Variants in GABRR3 observed in about 807,000 individuals in gnomAD.
GABRR3 encodes gamma-aminobutyric acid type A receptor subunit rho3, also known as gamma-aminobutyric acid receptor subunit rho-3.
In GABRR3, 29 loss-of-function variants were observed where a neutral mutation model predicts 43.2. The observed-to-expected ratio is 0.67, with a 90% CI of 0.50 to 0.92. GABRR3 has a LOEUF of 0.92. Ranked by LOEUF, GABRR3 falls within the 40% of genes least tolerant of loss-of-function variation. GABRR3 has a pLI of 0.00. For synonymous variants in GABRR3, 206 were observed against 195.9 expected, an observed-to-expected ratio of 1.05 and a Z score of -0.43; for missense variants, 576 against 572.3, an observed-to-expected ratio of 1.01 and a Z score of -0.07.
chr3:98,002,249 A>G (rs1265553485), intron 7 of GABRR3, among the ~76,000 whole-genome samples: 1 of 152,222 alleles, frequency 6.6e-6, no homozygotes, highest in African/African-American at 2.4e-5. Flanking sequence ...CAAAGGAGAA[A>G]GAAAACAGCA....
rs375039902 is a variant in GABRR3, at chr3:97,992,803, G to A, written c.1104+49C>T. The A allele has an allele frequency of 5.3e-6, 8 of 1,512,164 alleles. No homozygotes were observed. The African/African-American group carries it at 1.1e-4, about 21-fold the overall frequency. The allele number at this position is 1,512,164 out of a possible 1,614,324, so 93.7% of individuals were successfully genotyped here. On this transcript the variant is annotated intron_variant, in intron 9 of 9. Coordinates refer to ENST00000621172, the Ensembl canonical transcript of GABRR3. ...CAAGAGAGGGCAATAGATAAGGGTA[G>A]TCTTTTCCACATTCCCCAAGGGATC...
At chr3:98,007,621 T>C (rs992098662) in intron 7 of GABRR3, 143 bp downstream of exon 7, 3 of 821,226 alleles carry the variant, frequency 3.7e-6, no homozygotes, top group Non-Finnish European at 5.9e-6. Flanking sequence ...AGGGTGGAGC[T>C]TGCTCCCTGT....
intron 3 of GABRR3, among the ~76,000 whole-genome samples, chr3:98,021,386 G>A (rs79284261): frequency 1.8e-3 from 279 of 152,248 alleles, no homozygotes; most frequent in Non-Finnish European, 2.9e-3. Context: ...TAAAGCATAT[G>A]GATTCAAATC....
chr3:98,005,979 T>G (rs1003291024), intron 7 of GABRR3, among the ~76,000 whole-genome samples: 4 of 152,126 alleles, frequency 2.6e-5, no homozygotes, highest in African/African-American at 9.6e-5. Flanking sequence ...TAAATTATAC[T>G]TCACATATAC....
At chr3:97,992,533 T>A (rs1706484532) in intron 9 of GABRR3, among the ~76,000 whole-genome samples, 1 of 152,212 alleles carries the variant, frequency 6.6e-6, no homozygotes, top group African/African-American at 2.4e-5. Context: ...ATTATTATTA[T>A]CATCATCATC....
chr3:98,016,852 G>A (rs975311427), intron 4 of GABRR3, among the ~76,000 whole-genome samples: 13 of 152,078 alleles, frequency 8.5e-5, no homozygotes, highest in Admixed American at 1.3e-4. Flanking sequence ...TGTAAACAAG[G>A]AAAGTGGTCC....
Position 97,989,159 on chromosome 3 carries a change from G to A in GABRR3, c.1105-2177C>T, listed in dbSNP as rs560403509. On this transcript the variant is annotated intron_variant, in intron 9 of 9. Transcript: ENST00000621172. ...TGGTGGGTGATAGTAGGATGTAGTG[G>A]TGGTTGATGGTGGTGGGTGGTGGTT... 2.5e-3 allele frequency among the ~76,000 whole-genome samples: 382 copies of A among 151,602 alleles called. 2 individuals carry two copies. The highest frequency in any genetic ancestry group is 8.5e-3 in the African/African-American group (351 of 41,298).
At chr3:98,016,596 T>C (rs1706875858) in intron 4 of GABRR3, among the ~76,000 whole-genome samples, 2 of 152,112 alleles carry the variant, frequency 1.3e-5, no homozygotes, top group South Asian at 2.1e-4. Context: ...AGGAAACAGG[T>C]GCTGAAAATT....
intron 9 of GABRR3, among the ~76,000 whole-genome samples, chr3:97,987,771 AT>A (rs2107222934): frequency 6.6e-6 from 1 of 152,168 alleles, no homozygotes; most frequent in East Asian, 1.9e-4. Context: ...TTAAATTAAA[AT>A]TTATCATTAT....
intron 3 of GABRR3, among the ~76,000 whole-genome samples, chr3:98,023,630 C>T (rs185884609): frequency 6.6e-6 from 1 of 151,916 alleles, no homozygotes; most frequent in Non-Finnish European, 1.5e-5. Context: ...AAGGAAGATA[C>T]ATAAGAGAAG....
intron 2 of GABRR3, among the ~76,000 whole-genome samples, chr3:98,027,238 GCT>G (rs543259661): frequency 1.9e-3 from 283 of 152,204 alleles, no homozygotes; most frequent in African/African-American, 6.4e-3. Flanking sequence ...TCCAAATTAT[GCT>G]CTGTTTGGGC....
intron 3 of GABRR3, among the ~76,000 whole-genome samples, chr3:98,020,356 T>C (rs1189313503): frequency 6.7e-6 from 1 of 150,268 alleles, no homozygotes; most frequent in East Asian, 2.0e-4. Context: ...ATATAATAAA[T>C]GTTATCACTA....
intron 8 of GABRR3, among the ~76,000 whole-genome samples, chr3:97,994,516 C>T (rs1341456691): frequency 1.3e-5 from 2 of 152,176 alleles, no homozygotes; most frequent in Admixed American, 1.3e-4. Context: ...GTACTATCAA[C>T]GATCTGCATA....
chr3:98,012,428 G>C, exon 5 of GABRR3: 1 of 1,613,920 alleles, frequency 6.2e-7, no homozygotes, highest in South Asian at 1.1e-5. Context: ...GGATCTTTTA[G>C]AGTGGACAAA....
At chr3:97,990,707 A>G (rs1343915501) in intron 9 of GABRR3, among the ~76,000 whole-genome samples, 1 of 152,134 alleles carries the variant, frequency 6.6e-6, no homozygotes, top group Non-Finnish European at 1.5e-5. Context: ...TGAATGGCAA[A>G]TAGGACATTC....
At chr3:98,002,864 A>T (rs931201828) in intron 7 of GABRR3, among the ~76,000 whole-genome samples, 6 of 152,170 alleles carry the variant, frequency 3.9e-5, no homozygotes, top group Admixed American at 2.0e-4. Flanking sequence ...GTAATTTCTT[A>T]GAAACCCAAG....
At chr3:98,020,070 A>G (rs536379605) in intron 3 of GABRR3, among the ~76,000 whole-genome samples, 113 of 152,312 alleles carry the variant, frequency 7.4e-4, no homozygotes, top group African/African-American at 2.7e-3. Flanking sequence ...TAGATTGAGT[A>G]AATCTTCCCA....
At chr3:98,012,026 G>A (rs1244705334) in intron 5 of GABRR3, among the ~76,000 whole-genome samples, 1 of 151,108 alleles carries the variant, frequency 6.6e-6, no homozygotes, top group Non-Finnish European at 1.5e-5. Context: ...GTGCCAGGGT[G>A]GGGTGGAGTT....
At chr3:98,016,066 T>G (rs1262830111) in intron 4 of GABRR3, among the ~76,000 whole-genome samples, 1 of 151,956 alleles carries the variant, frequency 6.6e-6, no homozygotes, top group African/African-American at 2.4e-5. Context: ...AACTGCCACT[T>G]TCAAATAATC....
Sources: gnomAD v4.1 joint callset for allele counts (sites outside exome capture counted in the v4.1 genomes callset) on GRCh38, gnomAD v4.1.1 for gene constraint, MANE v1.5 for transcripts, NCBI Gene and HGNC (gene_info 2026-07-23, HGNC 2026-07-21) for gene names.